The following ACTR3B variants were observed in gnomAD, a reference collection of about 807,000 sequenced individuals.
The protein encoded by ACTR3B is actin related protein 3B, also known as actin-related protein 3B.
In ACTR3B, 8 loss-of-function variants were observed where a neutral mutation model predicts 59.0. That is an observed-to-expected ratio of 0.14 (90% CI 0.08 to 0.24). ACTR3B has a LOEUF of 0.24. ACTR3B is among the 10% of genes least tolerant of loss of function. The pLI is 1.00. For missense variants in ACTR3B, 245 were observed against 552.3 expected, an observed-to-expected ratio of 0.44 and a Z score of 5.58; for synonymous variants, 148 against 197.9, an observed-to-expected ratio of 0.75 and a Z score of 2.12.
At chr7:152,790,003 T>TC (rs1393947937) in intron 2 of ACTR3B, among the ~76,000 whole-genome samples, 5 of 150,050 alleles carry the variant, frequency 3.3e-5, no homozygotes, top group African/African-American at 1.2e-4. Context: ...CTTTCTTTTT[T>TC]TTTTTTTTTT....
At chr7:152,832,515 T>C (rs1797109594) in intron 9 of ACTR3B, among the ~76,000 whole-genome samples, 1 of 152,184 alleles carries the variant, frequency 6.6e-6, no homozygotes, top group African/African-American at 2.4e-5. Flanking sequence ...CAGGGCTCTT[T>C]AGAAACAGAA....
chr7:152,852,365 T>G (rs925194478), intron 10 of ACTR3B, 114 bp downstream of exon 10: 3 of 1,310,388 alleles, frequency 2.3e-6, no homozygotes, highest in Non-Finnish European at 3.1e-6. Context: ...TAAAAACAAG[T>G]GTTCATCGCT....
intron 6 of ACTR3B, among the ~76,000 whole-genome samples, chr7:152,820,011 TA>T (rs1274895008): frequency 6.6e-6 from 1 of 152,264 alleles, no homozygotes; most frequent in Non-Finnish European, 1.5e-5. Context: ...GGAAATGAAC[TA>T]TCTTATGTGG....
At chr7:152,838,383 C>G (rs1419282876) in intron 9 of ACTR3B, among the ~76,000 whole-genome samples, 6 of 152,188 alleles carry the variant, frequency 3.9e-5, no homozygotes, top group Non-Finnish European at 8.8e-5. Context: ...ATGTCCTTTG[C>G]AGGGACGTGG....
intron 7 of ACTR3B, among the ~76,000 whole-genome samples, chr7:152,821,763 G>C (rs1796184191): frequency 1.3e-5 from 2 of 152,208 alleles, no homozygotes; most frequent in South Asian, 4.1e-4. Flanking sequence ...CTGCTGTGTG[G>C]GGTAGCCCTG....
chr7:152,834,343 G>A (rs1222232715), intron 9 of ACTR3B, among the ~76,000 whole-genome samples: 3 of 151,944 alleles, frequency 2.0e-5, no homozygotes, highest in African/African-American at 7.2e-5. Flanking sequence ...TAGTAGAGAC[G>A]GGGTTTCGCC....
intron 2 of ACTR3B, among the ~76,000 whole-genome samples, chr7:152,785,388 GAGGGGA>G: frequency 6.8e-5 from 1 of 14,764 alleles, no homozygotes; most frequent in Non-Finnish European, 1.6e-4. Flanking sequence ...AGGGGGGGGG[GAGGGGA>G]GGGGGAGGGG....
chr7:152,799,857 G>A (rs2098229284), intron 2 of ACTR3B, among the ~76,000 whole-genome samples: 1 of 152,110 alleles, frequency 6.6e-6, no homozygotes, highest in South Asian at 2.1e-4. Flanking sequence ...TTAGCTGTCT[G>A]GAGTGAATTG....
intron 4 of ACTR3B, chr7:152,810,992 A>G (rs1307560891): frequency 3.9e-5 from 6 of 151,972 alleles, no homozygotes; most frequent in Non-Finnish European, 8.8e-5. Context: ...CCTCTTTTTC[A>G]CTTAACAATT....
intron 10 of ACTR3B, among the ~76,000 whole-genome samples, chr7:152,852,492 C>T (rs1197604044): frequency 2.0e-5 from 3 of 152,190 alleles, no homozygotes; most frequent in Admixed American, 2.0e-4. Flanking sequence ...CTCTCCCTGG[C>T]CATGCCTGCC....
chr7:152,811,598 CTT>C (rs1425805862), intron 4 of ACTR3B: 9 of 152,054 alleles, frequency 5.9e-5, no homozygotes, highest in African/African-American at 1.9e-4. Context: ...TTGTTTTTCT[CTT>C]TGCTTTTTAT....
intron 4 of ACTR3B, among the ~76,000 whole-genome samples, chr7:152,805,066 AG>A (rs2098248307): frequency 6.6e-6 from 1 of 151,600 alleles, no homozygotes; most frequent in Non-Finnish European, 1.5e-5. Flanking sequence ...TACCCTCACT[AG>A]CTTTTGTATG....
intron 1 of ACTR3B, among the ~76,000 whole-genome samples, chr7:152,771,684 A>T (rs932534825): frequency 6.6e-6 from 1 of 152,270 alleles, no homozygotes; most frequent in African/African-American, 2.4e-5. Flanking sequence ...TTCCTGGAAT[A>T]TAATGAAAGA....
At chr7:152,853,029 G>A (rs1044601320) in intron 10 of ACTR3B, among the ~76,000 whole-genome samples, 1 of 152,106 alleles carries the variant, frequency 6.6e-6, no homozygotes, top group African/African-American at 2.4e-5. Context: ...CTGACCTTGT[G>A]ATCCATGCGC....
intron 9 of ACTR3B, among the ~76,000 whole-genome samples, chr7:152,830,381 T>C (rs1405345356): frequency 6.6e-6 from 1 of 152,250 alleles, no homozygotes; most frequent in African/African-American, 2.4e-5. Flanking sequence ...TGGGAGTTGT[T>C]AAAAACTCTT....
At chr7:152,783,043 G>T (rs1437843813) in intron 1 of ACTR3B, 144 bp from the exon 2 acceptor site, 7 of 311,876 alleles carry the variant, frequency 2.2e-5, no homozygotes, top group Middle Eastern at 2.0e-3. Context: ...GTGATCACAA[G>T]TTTTTTTTTT....
intron 4 of ACTR3B, among the ~76,000 whole-genome samples, chr7:152,807,810 C>G: frequency 6.6e-6 from 1 of 152,188 alleles, no homozygotes; most frequent in East Asian, 1.9e-4. Context: ...TTTTACGTAT[C>G]GTTGTTTTAT....
intron 1 of ACTR3B, among the ~76,000 whole-genome samples, chr7:152,762,560 CT>C (rs1180516520): frequency 6.6e-6 from 1 of 152,168 alleles, no homozygotes; most frequent in Non-Finnish European, 1.5e-5. Context: ...TGAATGCGTA[CT>C]TTCTGAGGAC....
At chr7:152,814,680 C>T (rs57075284) in intron 5 of ACTR3B, 35 bp downstream of exon 5, 1 of 1,550,198 alleles carries the variant, frequency 6.5e-7, no homozygotes. Context: ...CCTAAAGCAC[C>T]TGAGCTGTCT....
Sources: gnomAD v4.1 joint callset for allele counts (sites outside exome capture counted in the v4.1 genomes callset) on GRCh38, gnomAD v4.1.1 for gene constraint, MANE v1.5 for transcripts, NCBI Gene and HGNC (gene_info 2026-07-23, HGNC 2026-07-21) for gene names.